The following ASTN2 variants were observed in gnomAD, a reference collection of about 807,000 sequenced individuals.
The protein encoded by ASTN2 is astrotactin-2.
ASTN2 carries 54 observed loss-of-function variants against 139.8 expected under a neutral mutation model. The observed-to-expected ratio is 0.39, with a 90% confidence interval of 0.31 to 0.48. The LOEUF is 0.48. Among genes scored for constraint, ASTN2 ranks in the 20% least tolerant of loss-of-function variants. ASTN2 has a pLI of 0.95. For missense variants in ASTN2, 1,565 were observed against 1,725.1 expected, an observed-to-expected ratio of 0.91 and a Z score of 1.64; for synonymous variants, 756 against 719.5, an observed-to-expected ratio of 1.05 and a Z score of -0.81.
chr9:117,240,383 G>A (rs1015549460), intron 2 of ASTN2, among the ~76,000 whole-genome samples: 1 of 152,148 alleles, frequency 6.6e-6, no homozygotes, highest in Non-Finnish European at 1.5e-5. Flanking sequence ...TGAAAAAGGA[G>A]GAACTGAGCC....
At chr9:117,274,400 G>T (rs1420715107) in intron 2 of ASTN2, among the ~76,000 whole-genome samples, 2 of 152,118 alleles carry the variant, frequency 1.3e-5, no homozygotes, top group Non-Finnish European at 2.9e-5. Flanking sequence ...ACCTGTCTTT[G>T]GTTAATCTGA....
chr9:117,210,722 C>T (rs1446338623), intron 3 of ASTN2, among the ~76,000 whole-genome samples: 1 of 152,024 alleles, frequency 6.6e-6, no homozygotes, highest in Non-Finnish European at 1.5e-5. Context: ...ATGCATCACC[C>T]TGATACTAAA....
At chr9:116,703,362 G>GTAGATT (rs1162304451) in intron 16 of ASTN2, among the ~76,000 whole-genome samples, 1 of 150,604 alleles carries the variant, frequency 6.6e-6, no homozygotes, top group Non-Finnish European at 1.5e-5. Flanking sequence ...TGAGTTCATT[G>GTAGATT]CAGATTCTGG....
intron 5 of ASTN2, among the ~76,000 whole-genome samples, chr9:117,080,934 C>A (rs1105892): frequency 0.56 from 85,016 of 151,976 alleles, 24,911 homozygotes; most frequent in East Asian, 0.85. Flanking sequence ...GATGCAATTT[C>A]TTCAAACATC....
rs1042379644 is a variant in ASTN2, at chr9:116,977,367, A to G, written c.1592-582T>C. Among the ~76,000 whole-genome samples the G allele has an allele frequency of 1.3e-5, 2 of 151,236 alleles. 1 individual carries two copies. Among genetic ancestry groups the G allele is most frequent in the African/African-American group, 4.9e-5 (2 of 40,916 alleles). On this transcript the variant is annotated intron_variant, in intron 7 of 22. Coordinates refer to ENST00000313400, the MANE Select transcript of ASTN2 (RefSeq NM_001365068.1). ...CTCTCCTCCCCTTCCTTCTACTGCC[A>G]TCTCTTCTCTTGTCCTCTTTTCTCC...
chr9:117,195,489 G>T (rs1313217516), intron 3 of ASTN2, among the ~76,000 whole-genome samples: 6 of 152,102 alleles, frequency 3.9e-5, no homozygotes, highest in Non-Finnish European at 8.8e-5. Flanking sequence ...GATAAAAGCA[G>T]GAAGACCAAT....
intron 18 of ASTN2, 109 bp from the exon 19 acceptor site, chr9:116,618,581 C>A: frequency 5.3e-6 from 7 of 1,309,534 alleles, no homozygotes; most frequent in Middle Eastern, 2.8e-4. Flanking sequence ...GAATTTAAAT[C>A]TTGATTCCAC....
chr9:116,620,265 C>T, intron 18 of ASTN2, 45 bp downstream of exon 18: 1 of 1,613,230 alleles, frequency 6.2e-7, no homozygotes, highest in Non-Finnish European at 8.5e-7. Flanking sequence ...GAGTGTGAGT[C>T]CACGAAAAGG....
At chr9:117,361,651 T>A (rs540268239) in intron 1 of ASTN2, among the ~76,000 whole-genome samples, 1 of 152,218 alleles carries the variant, frequency 6.6e-6, no homozygotes, top group Non-Finnish European at 1.5e-5. Context: ...ATATCTCCCA[T>A]GGGGCAGTTC....
At chr9:116,714,713 T>G (rs549793457) in intron 16 of ASTN2, among the ~76,000 whole-genome samples, 5 of 152,300 alleles carry the variant, frequency 3.3e-5, no homozygotes, top group Non-Finnish European at 7.4e-5. Flanking sequence ...GGGAGGAGAA[T>G]GCATCAATGA....
chr9:117,402,771 T>G (rs1934483), intron 1 of ASTN2, among the ~76,000 whole-genome samples: 119,936 of 151,918 alleles, frequency 0.79, 47,639 homozygotes, highest in East Asian at 0.98. Context: ...CAACCCTACA[T>G]GGAGTGGGGT....
At chr9:117,413,618 C>T (rs1210389854) in intron 1 of ASTN2, among the ~76,000 whole-genome samples, 2 of 152,228 alleles carry the variant, frequency 1.3e-5, no homozygotes, top group African/African-American at 4.8e-5. Context: ...CCGACTCCTC[C>T]GGGATTCGCG....
chr9:116,587,457 A>T (rs1224787583), intron 19 of ASTN2, among the ~76,000 whole-genome samples: 1 of 151,778 alleles, frequency 6.6e-6, no homozygotes, highest in Non-Finnish European at 1.5e-5. Context: ...CTTGGTATGG[A>T]CTCAGGGTTA....
intron 1 of ASTN2, among the ~76,000 whole-genome samples, chr9:117,300,988 C>T (rs1015163562): frequency 1.3e-5 from 2 of 152,130 alleles, no homozygotes; most frequent in African/African-American, 4.8e-5. Context: ...TTTCCCAAGC[C>T]ACTCAGTGAA....
intron 10 of ASTN2, among the ~76,000 whole-genome samples, chr9:116,926,142 T>C (rs1268201257): frequency 6.6e-6 from 1 of 152,184 alleles, no homozygotes; most frequent in Non-Finnish European, 1.5e-5. Context: ...CCCCTGTTTG[T>C]AATGTTGTTC....
At chr9:116,863,099 T>C (rs1042867787) in intron 11 of ASTN2, among the ~76,000 whole-genome samples, 3 of 152,140 alleles carry the variant, frequency 2.0e-5, no homozygotes, top group African/African-American at 7.2e-5. Flanking sequence ...CTAATGTAAG[T>C]TGACTCATCT....
intron 1 of ASTN2, among the ~76,000 whole-genome samples, chr9:117,395,900 C>G (rs72766135): frequency 1.0e-3 from 155 of 152,314 alleles, no homozygotes; most frequent in Non-Finnish European, 1.5e-3. Flanking sequence ...TGAACAACAA[C>G]AAGAAGAATC....
intron 16 of ASTN2, among the ~76,000 whole-genome samples, chr9:116,657,888 A>ATT (rs113620338): frequency 2.2e-5 from 3 of 135,056 alleles, no homozygotes; most frequent in African/African-American, 2.7e-5. Flanking sequence ...AAGTAGCAAG[A>ATT]TTTTTTTTTT....
chr9:116,694,677 T>G (rs1471621986), intron 16 of ASTN2, among the ~76,000 whole-genome samples: 2 of 150,184 alleles, frequency 1.3e-5, no homozygotes, highest in East Asian at 3.9e-4. Context: ...TTCACCGTCT[T>G]AGCCAGGATG....
Sources: gnomAD v4.1 joint callset for allele counts (sites outside exome capture counted in the v4.1 genomes callset) on GRCh38, gnomAD v4.1.1 for gene constraint, MANE v1.5 for transcripts, NCBI Gene and HGNC (gene_info 2026-07-23, HGNC 2026-07-21) for gene names.